The following CDH18 variants were observed in gnomAD, a reference collection of about 807,000 sequenced individuals.
CDH18 encodes the protein cadherin-18.
A neutral mutation model predicts 67.9 loss-of-function variants in CDH18; 31 were observed. The ratio of observed to expected loss-of-function variants is 0.46; its 90% CI spans 0.34 to 0.62. CDH18 has a LOEUF of 0.62. Among genes scored for constraint, CDH18 ranks in the 20% least tolerant of loss-of-function variants. The pLI is 0.01. For synonymous variants in CDH18, 362 were observed against 347.2 expected (o/e 1.04, Z -0.48); for missense variants, 890 against 975.5 (o/e 0.91, Z 1.17).
At chr5:20,314,001 T>G (rs1256477002) in intron 1 of CDH18, among the ~76,000 whole-genome samples, 2 of 152,034 alleles carry the variant, frequency 1.3e-5, no homozygotes, top group East Asian at 3.9e-4. Flanking sequence ...TTTAAGATAA[T>G]GAATCTTAAC....
chr5:20,112,605 T>C (rs1000960047), intron 2 of CDH18, among the ~76,000 whole-genome samples: 4 of 151,972 alleles, frequency 2.6e-5, no homozygotes, highest in African/African-American at 4.8e-5. Context: ...CCCCAGCTAC[T>C]TGGGAGGCCG....
chr5:20,528,994 C>G (rs1422014436), intron 1 of CDH18, among the ~76,000 whole-genome samples: 1 of 151,654 alleles, frequency 6.6e-6, no homozygotes, highest in African/African-American at 2.4e-5. Flanking sequence ...AGACAGACCT[C>G]TAGTTAAGCT....
chr5:19,550,846 T>TC (rs1180881891), intron 8 of CDH18, among the ~76,000 whole-genome samples: 1 of 152,172 alleles, frequency 6.6e-6, no homozygotes, highest in Admixed American at 6.5e-5. Context: ...CACACTGACT[T>TC]CCACAATGGT....
At chr5:20,460,933 G>C (rs1031206409) in intron 1 of CDH18, among the ~76,000 whole-genome samples, 3 of 152,174 alleles carry the variant, frequency 2.0e-5, no homozygotes, top group African/African-American at 7.2e-5. Flanking sequence ...GCAACTAACA[G>C]TGAAAAATGT....
intron 2 of CDH18, among the ~76,000 whole-genome samples, chr5:20,090,320 G>A (rs1253682148): frequency 6.6e-6 from 1 of 151,964 alleles, no homozygotes; most frequent in Non-Finnish European, 1.5e-5. Flanking sequence ...GCGAATCACC[G>A]GTTTAGGAGT....
chr5:20,539,784 T>C, intron 1 of CDH18, among the ~76,000 whole-genome samples: 1 of 148,752 alleles, frequency 6.7e-6, no homozygotes, highest in Non-Finnish European at 1.5e-5. Flanking sequence ...ACACACACCC[T>C]CCCTAGAAAA....
intron 2 of CDH18, among the ~76,000 whole-genome samples, chr5:20,150,764 C>T (rs1318104806): frequency 1.3e-5 from 2 of 152,008 alleles, no homozygotes; most frequent in African/African-American, 2.4e-5. Flanking sequence ...CTCTTAACTA[C>T]AAGATTATAA....
intron 1 of CDH18, among the ~76,000 whole-genome samples, chr5:20,483,803 T>A (rs910510205): frequency 1.3e-5 from 2 of 151,914 alleles, no homozygotes; most frequent in African/African-American, 4.8e-5. Context: ...AACACTTAAA[T>A]CTAAGACCTC....
chr5:20,074,208 C>T (rs191369364), intron 2 of CDH18, among the ~76,000 whole-genome samples: 3 of 152,154 alleles, frequency 2.0e-5, no homozygotes, highest in East Asian at 3.9e-4. Flanking sequence ...AGATATACTG[C>T]TGGAAATATG....
At chr5:20,073,545 C>CA (rs1743666061) in intron 2 of CDH18, among the ~76,000 whole-genome samples, 1 of 151,922 alleles carries the variant, frequency 6.6e-6, no homozygotes, top group African/African-American at 2.4e-5. Flanking sequence ...TATTCCTTGA[C>CA]AAAACATAAG....
chr5:20,104,643 A>G (rs925371575), intron 2 of CDH18, among the ~76,000 whole-genome samples: 6 of 152,026 alleles, frequency 3.9e-5, no homozygotes, highest in Non-Finnish European at 7.4e-5. Context: ...CCTCTTCTCC[A>G]CAGTGCACAG....
At chr5:20,525,814 A>G (rs1756017283) in intron 1 of CDH18, among the ~76,000 whole-genome samples, 1 of 151,900 alleles carries the variant, frequency 6.6e-6, no homozygotes, top group Non-Finnish European at 1.5e-5. Context: ...ACACACACAC[A>G]CACACACACA....
chr5:20,328,010 T>A (rs1331470794), intron 1 of CDH18, among the ~76,000 whole-genome samples: 1 of 152,000 alleles, frequency 6.6e-6, no homozygotes, highest in Non-Finnish European at 1.5e-5. Flanking sequence ...AATGCAAAAG[T>A]CCTGGGGAAT....
chr5:20,088,527 C>T (rs1745163081), intron 2 of CDH18, among the ~76,000 whole-genome samples: 1 of 152,132 alleles, frequency 6.6e-6, no homozygotes, highest in Non-Finnish European at 1.5e-5. Flanking sequence ...CTGGAGATTT[C>T]TGGCAGGCAA....
chr5:20,154,829 A>G (rs770089265), intron 2 of CDH18, among the ~76,000 whole-genome samples: 13 of 152,156 alleles, frequency 8.5e-5, no homozygotes, highest in Non-Finnish European at 1.8e-4. Flanking sequence ...GGCCTCATTA[A>G]TGCCCTGACT....
intron 1 of CDH18, among the ~76,000 whole-genome samples, chr5:20,315,685 C>T (rs1421406403): frequency 6.6e-6 from 1 of 152,140 alleles, no homozygotes; most frequent in South Asian, 2.1e-4. Flanking sequence ...AATTAGTTCA[C>T]TGTGCTTCTA....
chr5:19,487,234 A>G (rs1326502621), intron 11 of CDH18, among the ~76,000 whole-genome samples: 1 of 152,194 alleles, frequency 6.6e-6, no homozygotes, highest in Non-Finnish European at 1.5e-5. Flanking sequence ...ACATAGGTAA[A>G]TGATAGATAG....
chr5:20,028,269 T>C (rs1472318560), intron 2 of CDH18, among the ~76,000 whole-genome samples: 3 of 152,180 alleles, frequency 2.0e-5, no homozygotes, highest in Non-Finnish European at 2.9e-5. Context: ...TTCTCCTATA[T>C]GAAAACATTA....
intron 2 of CDH18, among the ~76,000 whole-genome samples, chr5:19,877,749 G>A (rs1053464860): frequency 3.3e-5 from 5 of 152,128 alleles, no homozygotes; most frequent in African/African-American, 1.2e-4. Flanking sequence ...CAAAGGCACC[G>A]ATGTAGGAAA....
Sources: allele counts gnomAD v4.1 joint callset (sites outside exome capture counted in the v4.1 genomes callset), GRCh38; gene constraint gnomAD v4.1.1; transcripts MANE v1.5; gene names NCBI Gene and HGNC (gene_info 2026-07-23, HGNC 2026-07-21).